The following GRID2 variants were observed in gnomAD, a reference collection of about 807,000 sequenced individuals.
GRID2 encodes glutamate ionotropic receptor delta type subunit 2.
Under a neutral mutation model 114.8 loss-of-function variants are expected in GRID2, and 33 were observed. The observed-to-expected ratio is 0.29, with a 90% confidence interval of 0.22 to 0.38. The LOEUF (loss-of-function observed/expected upper bound fraction) is 0.38, where lower values mean the gene tolerates loss of function less well. Among genes scored for constraint, GRID2 ranks in the 10% least tolerant of loss-of-function variants. The probability of loss-of-function intolerance (pLI) is 1.00; values close to 1 mark genes in which losing one functional copy is unlikely to be tolerated. For synonymous variants in GRID2, 505 were observed against 449.9 expected, an observed-to-expected ratio of 1.12 and a Z score of -1.55; for missense variants, 1,184 against 1,257.7, an observed-to-expected ratio of 0.94 and a Z score of 0.89.
chr4:92,468,054 T>C (rs1394323419), intron 1 of GRID2, among the ~76,000 whole-genome samples: 1 of 106,816 alleles, frequency 9.4e-6, no homozygotes, highest in African/African-American at 2.7e-5. Flanking sequence ...ACCTAGACTG[T>C]GTCACTTTTT....
At chr4:93,068,208 A>C (rs1398034629) in intron 2 of GRID2, among the ~76,000 whole-genome samples, 1 of 152,096 alleles carries the variant, frequency 6.6e-6, no homozygotes, top group Non-Finnish European at 1.5e-5. Flanking sequence ...GGTAATGCAA[A>C]TTATAGTAAA....
intron 8 of GRID2, among the ~76,000 whole-genome samples, chr4:93,379,079 A>G (rs1229873516): frequency 1.3e-5 from 2 of 152,056 alleles, no homozygotes; most frequent in Non-Finnish European, 2.9e-5. Flanking sequence ...AGAAATCTAT[A>G]TACTTCATAT....
chr4:92,406,482 C>A lies in GRID2; in HGVS notation c.88+101738C>A, dbSNP rs565154927. Reference sequence around the variant, plus strand: ...GAACAGAAAATGAGGACATTGTGTGCAAATCAATGGGGACATTGTGTCTCT... The same window carrying A: ...GAACAGAAAATGAGGACATTGTGTGAAAATCAATGGGGACATTGTGTCTCT... On this transcript the variant is annotated intron_variant, in intron 1 of 15. Transcript: ENST00000282020. Among the ~76,000 whole-genome samples, 13 of 152,122 alleles carry A rather than the reference C, an allele frequency of 8.5e-5. No homozygotes were observed. The South Asian group carries it at 2.7e-3, about 32-fold the overall frequency.
downstream of GRID2, among the ~76,000 whole-genome samples, chr4:93,775,144 T>A (rs1378597345): frequency 9.1e-5 from 13 of 142,894 alleles, no homozygotes; most frequent in African/African-American, 1.6e-4. Context: ...CATAATTTAC[T>A]AAAAAAAAAA....
At chr4:93,366,858 A>G (rs1295718033) in intron 8 of GRID2, among the ~76,000 whole-genome samples, 2 of 152,104 alleles carry the variant, frequency 1.3e-5, no homozygotes, top group Non-Finnish European at 2.9e-5. Context: ...AATATATTAT[A>G]TAGGGAGACT....
chr4:93,014,393 G>A (rs1419962048), intron 2 of GRID2, among the ~76,000 whole-genome samples: 3 of 151,810 alleles, frequency 2.0e-5, no homozygotes, highest in Non-Finnish European at 4.4e-5. Context: ...ATAATAATAT[G>A]AATAACACAG....
At chr4:93,730,789 G>A (rs1730413317) in intron 14 of GRID2, among the ~76,000 whole-genome samples, 1 of 152,222 alleles carries the variant, frequency 6.6e-6, no homozygotes, top group African/African-American at 2.4e-5. Flanking sequence ...CCTGTAAGGT[G>A]GTTTCAGCAG....
intron 2 of GRID2, among the ~76,000 whole-genome samples, chr4:92,918,777 A>G (rs1275401867): frequency 2.6e-5 from 4 of 152,114 alleles, no homozygotes; most frequent in Non-Finnish European, 5.9e-5. Flanking sequence ...GGATTTTTGC[A>G]TTGATGTTCA....
At chr4:93,243,037 C>A (rs1747727059) in intron 8 of GRID2, among the ~76,000 whole-genome samples, 1 of 151,950 alleles carries the variant, frequency 6.6e-6, no homozygotes, top group African/African-American at 2.4e-5. Context: ...TGAGCTGGCA[C>A]TATAGAGGTA....
At chr4:92,592,246 C>G (rs774618462) in intron 2 of GRID2, among the ~76,000 whole-genome samples, 1 of 151,974 alleles carries the variant, frequency 6.6e-6, no homozygotes, top group Non-Finnish European at 1.5e-5. Flanking sequence ...CTTTCTTTAT[C>G]TTCTTAGTAA....
At chr4:93,006,673 T>C (rs1213387985) in intron 2 of GRID2, among the ~76,000 whole-genome samples, 1 of 151,928 alleles carries the variant, frequency 6.6e-6, no homozygotes, top group African/African-American at 2.4e-5. Context: ...AATAAGTTTT[T>C]TTTTCATTAA....
intron 2 of GRID2, among the ~76,000 whole-genome samples, chr4:92,895,431 A>G (rs932169818): frequency 1.4e-5 from 2 of 145,196 alleles, no homozygotes; most frequent in Non-Finnish European, 3.0e-5. Flanking sequence ...AGCTTACAAG[A>G]GGTGAGGGAA....
chr4:93,363,699 T>C (rs949635322), intron 8 of GRID2, among the ~76,000 whole-genome samples: 1 of 152,092 alleles, frequency 6.6e-6, no homozygotes, highest in Admixed American at 6.6e-5. Context: ...AACATGTACT[T>C]AAATTAATAT....
In GRID2 at chr4:92,682,682, GCACACACACACACA is replaced by G. The variant is rs57217377; in HGVS notation, c.244+92416_244+92429del. 9.0e-3 allele frequency among the ~76,000 whole-genome samples: 1,285 copies of G among 142,810 alleles called. 21 individuals carry two copies. The highest frequency in any genetic ancestry group is 0.031 in the African/African-American group (1,218 of 38,910). The allele number at this position is 142,810 out of a possible 152,430, so 93.7% of individuals were successfully genotyped here. A position where few individuals can be genotyped will look rare whatever the true frequency, so the allele number is the denominator to read the frequency against. On this transcript the variant is annotated intron_variant, in intron 2 of 15. Coordinates refer to ENST00000282020, the MANE Select transcript of GRID2 (RefSeq NM_001510.4). ...GTGGATGAGATATTAAAATCGCAGG[GCACACACACACACA>G]CACACACACACACACACACTCTTCA...
chr4:92,921,147 C>T (rs1212215411), intron 2 of GRID2, among the ~76,000 whole-genome samples: 5 of 152,142 alleles, frequency 3.3e-5, no homozygotes, highest in South Asian at 2.1e-4. Context: ...GCGTCGGCTA[C>T]TGAGGCTTGT....
chr4:93,369,768 T>C (rs1762693967), intron 8 of GRID2, among the ~76,000 whole-genome samples: 1 of 152,138 alleles, frequency 6.6e-6, no homozygotes, highest in African/African-American at 2.4e-5. Context: ...GGATTACAGG[T>C]ATAAGCCACT....
intron 1 of GRID2, among the ~76,000 whole-genome samples, chr4:92,375,561 ATC>A (rs1205124561): frequency 4.6e-5 from 7 of 152,200 alleles, no homozygotes; most frequent in Non-Finnish European, 5.9e-5. Flanking sequence ...CATCTTAACT[ATC>A]TGCATAAATA....
chr4:93,036,540 A>G (rs1431253009), intron 2 of GRID2, among the ~76,000 whole-genome samples: 1 of 152,174 alleles, frequency 6.6e-6, no homozygotes, highest in Non-Finnish European at 1.5e-5. Flanking sequence ...AATGGCTTTC[A>G]GAGAAAAGTG....
chr4:92,757,847 TAA>T (rs35356936), intron 2 of GRID2, among the ~76,000 whole-genome samples: 3 of 142,814 alleles, frequency 2.1e-5, no homozygotes, highest in Non-Finnish European at 3.1e-5. Flanking sequence ...AAAACGATGT[TAA>T]AAAAAAAAAA....
Sources: allele counts gnomAD v4.1 joint callset (sites outside exome capture counted in the v4.1 genomes callset), GRCh38; gene constraint gnomAD v4.1.1; transcripts MANE v1.5; gene names NCBI Gene and HGNC (gene_info 2026-07-23, HGNC 2026-07-21).